ENOX1: variants seen among roughly 807,000 people sequenced by gnomAD.
ENOX1 encodes candidate growth-related and time keeping constitutive hydroquinone (NADH) oxidase.
In ENOX1, 42 loss-of-function variants were observed where a neutral mutation model predicts 82.5. The ratio of observed to expected loss-of-function variants is 0.51; its 90% confidence interval spans 0.40 to 0.66. The LOEUF (loss-of-function observed/expected upper bound fraction) is 0.66. Among genes scored for constraint, ENOX1 ranks in the 30% least tolerant of loss-of-function variants. The probability of loss-of-function intolerance (pLI) is 0.00; values close to 1 mark genes in which losing one functional copy is unlikely to be tolerated. For synonymous variants in ENOX1, 271 were observed against 282.2 expected (o/e 0.96, Z 0.40); for missense variants, 608 against 811.6 (o/e 0.75, Z 3.05).
chr13:43,634,840 A>G (rs2083353190), intron 2 of ENOX1, among the ~76,000 whole-genome samples: 1 of 152,238 alleles, frequency 6.6e-6, no homozygotes, highest in African/African-American at 2.4e-5. Context: ...TAAAATAACA[A>G]TGTTAATGGG....
At chr13:43,594,023 C>T (rs922102338) in intron 2 of ENOX1, among the ~76,000 whole-genome samples, 1 of 152,044 alleles carries the variant, frequency 6.6e-6, no homozygotes, top group African/African-American at 2.4e-5. Context: ...AACGCCAGGC[C>T]CCATTGTGCT....
At chr13:43,740,624 C>T (rs190196358) in intron 1 of ENOX1, among the ~76,000 whole-genome samples, 154 of 152,196 alleles carry the variant, frequency 1.0e-3, no homozygotes, top group African/African-American at 3.5e-3. Flanking sequence ...CTGATCCTCT[C>T]CCTCCTCTAC....
At chr13:43,564,021 G>C (rs964460833) in intron 2 of ENOX1, among the ~76,000 whole-genome samples, 1 of 151,170 alleles carries the variant, frequency 6.6e-6, no homozygotes, top group East Asian at 1.9e-4. Flanking sequence ...TACAATGCCA[G>C]TATTACCCTA....
At position 43,758,355 on chromosome 13, in the gene ENOX1, G is replaced by T. The variant is rs191327286; in HGVS notation, c.-285+28297C>A. Among the ~76,000 whole-genome samples, 442 of 152,278 alleles carry T rather than the reference G, an allele frequency of 2.9e-3. 4 individuals carry two copies. The highest frequency in any genetic ancestry group is 0.01 in the African/African-American group (424 of 41,564). ...CTTAGATAAATCTCCAGGTAGTTAT[G>T]CTGAGAGGAAAAAAAAAGACAATCT... On this transcript the variant is annotated intron_variant, in intron 1 of 16. Transcript: ENST00000690772.
chr13:43,254,870 G>A lies in ENOX1; in HGVS notation c.1611+10528C>T, dbSNP rs2043657451. Among the ~76,000 whole-genome samples, 3 of 152,070 alleles carry A rather than the reference G, an allele frequency of 2.0e-5. No individual in the cohort carries two copies. In the South Asian group the frequency reaches 6.2e-4, roughly 32 times the overall value. ...GAAAATCTGAACATACCAGTAACAAGTAATGAGATTGAAGCAGTAATAAAA... is the reference window on the plus strand; with the variant it reads ...GAAAATCTGAACATACCAGTAACAAATAATGAGATTGAAGCAGTAATAAAA... On this transcript the variant is annotated intron_variant, in intron 14 of 16. Coordinates refer to ENST00000690772, the MANE Select transcript of ENOX1 (RefSeq NM_001347969.2).
chr13:43,490,675 G>C (rs972528570), intron 2 of ENOX1, among the ~76,000 whole-genome samples: 3 of 152,184 alleles, frequency 2.0e-5, no homozygotes, highest in African/African-American at 7.2e-5. Context: ...TGAGGGCAAA[G>C]GGTTCCTCCC....
chr13:43,213,545 T>TC lies in ENOX1; in HGVS notation c.*444_*445insG, dbSNP rs1491511956. 1.9e-4 allele frequency: 3 copies of TC among 16,096 alleles called. No homozygotes were observed. The highest frequency in any genetic ancestry group is 1.6e-3 in the South Asian group (1 of 634). The allele number at this position is 16,096 out of a possible 1,614,324, so 1.0% of individuals were successfully genotyped here. A position where few individuals can be genotyped will look rare whatever the true frequency, so the allele number is the denominator to read the frequency against. ...TTTTCTTTTTTTCTTTTTCTTTTTC[T>TC]TTTTTTTTTTTTTTTTTTTTTTACT... On this transcript the variant is annotated 3_prime_UTR_variant, in exon 17 of 17. Transcript: ENST00000690772.
chr13:43,644,272 A>G (rs2083795309), intron 2 of ENOX1, among the ~76,000 whole-genome samples: 1 of 152,176 alleles, frequency 6.6e-6, no homozygotes, highest in Non-Finnish European at 1.5e-5. Context: ...TTAATTTTAT[A>G]GTGAGTGACA....
At chr13:43,585,082 G>T (rs2080918355) in intron 2 of ENOX1, among the ~76,000 whole-genome samples, 1 of 152,182 alleles carries the variant, frequency 6.6e-6, no homozygotes, top group African/African-American at 2.4e-5. Context: ...CTTGAGATGG[G>T]GAGATTATCC....
chr13:43,409,299 T>C (rs2053979799), intron 5 of ENOX1, among the ~76,000 whole-genome samples: 1 of 152,190 alleles, frequency 6.6e-6, no homozygotes, highest in African/African-American at 2.4e-5. Context: ...CTCATTTCTT[T>C]TGATGTACTA....
chr13:43,381,016 A>T (rs2052004857), intron 5 of ENOX1, among the ~76,000 whole-genome samples: 1 of 151,880 alleles, frequency 6.6e-6, no homozygotes, highest in Non-Finnish European at 1.5e-5. Context: ...ATAGAAAATC[A>T]GTAAGGATAT....
chr13:43,708,158 C>T (rs989457404), intron 1 of ENOX1, among the ~76,000 whole-genome samples: 5 of 152,146 alleles, frequency 3.3e-5, no homozygotes, highest in South Asian at 2.1e-4. Flanking sequence ...CAAACTGGCA[C>T]GTTTAACTGG....
At chr13:43,361,580 T>C in intron 5 of ENOX1, 128 bp from the exon 6 acceptor site, 2 of 817,666 alleles carry the variant, frequency 2.4e-6, no homozygotes, top group Non-Finnish European at 3.7e-6. Context: ...TGGCATAAGA[T>C]ATAATATTAT....
At chr13:43,276,991 T>C (rs1196860079) in intron 12 of ENOX1, among the ~76,000 whole-genome samples, 2 of 152,136 alleles carry the variant, frequency 1.3e-5, no homozygotes, top group Non-Finnish European at 2.9e-5. Flanking sequence ...CTATGGCCAG[T>C]GTATTAACCC....
chr13:43,442,014 G>A (rs76124429), intron 3 of ENOX1, among the ~76,000 whole-genome samples: 5,496 of 152,140 alleles, frequency 0.036, 139 homozygotes, highest in South Asian at 0.09. Context: ...GCCCAGACAC[G>A]AGAGAGATCT....
intron 2 of ENOX1, among the ~76,000 whole-genome samples, chr13:43,538,952 C>T (rs2078590519): frequency 6.6e-6 from 1 of 152,086 alleles, no homozygotes; most frequent in African/African-American, 2.4e-5. Context: ...GACTCTCAAG[C>T]AGCTGGGACT....
intron 2 of ENOX1, among the ~76,000 whole-genome samples, chr13:43,522,184 C>T (rs959644685): frequency 3.9e-5 from 6 of 151,944 alleles, no homozygotes; most frequent in African/African-American, 1.2e-4. Context: ...CTTGGATTAG[C>T]TAGATTCAGA....
chr13:43,542,166 A>G (rs946827817), intron 2 of ENOX1, among the ~76,000 whole-genome samples: 7 of 152,066 alleles, frequency 4.6e-5, no homozygotes, highest in African/African-American at 1.7e-4. Flanking sequence ...CCGAGATGAA[A>G]TCTTGCTCTG....
chr13:43,330,251 A>ATT lies in ENOX1; in HGVS notation c.1037-3728_1037-3727dup, dbSNP rs143834639. On this transcript the variant is annotated intron_variant, in intron 9 of 16. Transcript: ENST00000690772. Reference sequence around the variant, plus strand: ...AACCAGCAAACAAGATGGCATTGGCATTTGTTCAAAGCAAGTAGCTTATAG... The same window carrying ATT: ...AACCAGCAAACAAGATGGCATTGGCATTTTTGTTCAAAGCAAGTAGCTTATAG... Among the ~76,000 whole-genome samples, 236 of 152,346 alleles carry ATT rather than the reference A, an allele frequency of 1.5e-3. 2 individuals carry two copies. The East Asian group carries it at 0.04, about 26-fold the overall frequency.
Sources: allele counts gnomAD v4.1 joint callset (sites outside exome capture counted in the v4.1 genomes callset), GRCh38; gene constraint gnomAD v4.1.1; transcripts MANE v1.5; gene names NCBI Gene and HGNC (gene_info 2026-07-23, HGNC 2026-07-21).